USH1C: variants seen among roughly 807,000 people sequenced by gnomAD.
USH1C encodes the protein USH1 protein network component harmonin.
A neutral mutation model predicts 119.3 loss-of-function variants in USH1C; 90 were observed. The ratio of observed to expected loss-of-function variants is 0.75; its 90% CI spans 0.64 to 0.90. The LOEUF (loss-of-function observed/expected upper bound fraction) is 0.90. USH1C is among the 40% of genes least tolerant of loss of function. USH1C has a pLI of 0.00. For missense variants in USH1C, 1,165 were observed against 1,167.7 expected, an observed-to-expected ratio of 1.00 and a Z score of 0.03; for synonymous variants, 465 against 443.3, an observed-to-expected ratio of 1.05 and a Z score of -0.62.
chr11:17,541,137 C>T (rs1011344494), intron 1 of USH1C, among the ~76,000 whole-genome samples: 3 of 152,210 alleles, frequency 2.0e-5, no homozygotes, highest in Non-Finnish European at 4.4e-5. Flanking sequence ...GCTCAGATGT[C>T]ACCTCTTCAG....
chr11:17,531,361 T>C lies in USH1C; in HGVS notation c.248+38A>G, dbSNP rs1438398612. ...GCACTGCCCCGCCCAGGGTGATCTC[T>C]CCACCCCCTGCCTCCAGCCTGGTGG... On this transcript the variant is annotated intron_variant, in intron 3 of 26. Transcript: ENST00000005226. The surrounding 1 kb of genome is among the most constrained non-coding windows in gnomAD (Gnocchi z 4.2). 8 of 1,613,774 alleles carry C rather than the reference T, an allele frequency of 5.0e-6. No individual in the cohort carries two copies. The East Asian group carries it at 1.8e-4, about 36-fold the overall frequency.
Position 17,524,651 on chromosome 11 carries a change from T to A in USH1C, c.675-116A>T. 2.7e-6 allele frequency: 3 copies of A among 1,121,704 alleles called. No homozygotes were observed. The South Asian group carries it at 4.0e-5, about 15-fold the overall frequency. 69.5% of individuals were successfully genotyped at this position (1,121,704 alleles called of 1,614,324 possible). On this transcript the variant is annotated intron_variant, in intron 8 of 26. Coordinates refer to ENST00000005226, the MANE Select transcript of USH1C (RefSeq NM_153676.4). ...CCCTTGACTGCCTACCTCTTCAGCC[T>A]CTGTGTCCCTCTCCAGCCTGATTTC...
At chr11:17,498,342 G>T in intron 23 of USH1C, 71 bp from the exon 24 acceptor site, 1 of 1,405,440 alleles carries the variant, frequency 7.1e-7, no homozygotes, top group South Asian at 1.2e-5. Flanking sequence ...GCTTGGCAAA[G>T]GGGGGTCATT....
intron 19 of USH1C, among the ~76,000 whole-genome samples, chr11:17,505,603 G>C (rs1432499666): frequency 6.6e-6 from 1 of 152,226 alleles, no homozygotes; most frequent in African/African-American, 2.4e-5. Flanking sequence ...TTTAGACAGA[G>C]CTCCAGGCTG....
intron 12 of USH1C, 132 bp downstream of exon 12, chr11:17,522,652 T>G (rs1329903732): frequency 7.3e-7 from 1 of 1,374,618 alleles, no homozygotes. Context: ...ACCAAACTCA[T>G]CTGGTCTGAG....
chr11:17,523,507 T>G (rs1243834938), intron 9 of USH1C, 29 bp from the exon 10 acceptor site: 3 of 1,612,284 alleles, frequency 1.9e-6, no homozygotes, highest in Non-Finnish European at 2.5e-6. Flanking sequence ...AAGATTAGTG[T>G]GTTTGCGCTA....
At chr11:17,542,955 G>C (rs1851529977) in intron 1 of USH1C, among the ~76,000 whole-genome samples, 1 of 152,184 alleles carries the variant, frequency 6.6e-6, no homozygotes, top group South Asian at 2.1e-4. Flanking sequence ...CCAAGACCTT[G>C]TTTTCAGGAG....
chr11:17,533,237 T>C lies in USH1C; in HGVS notation c.104+18A>G, dbSNP rs369464713. On this transcript the variant is annotated intron_variant, in intron 2 of 26. Coordinates refer to ENST00000005226, the MANE Select transcript of USH1C (RefSeq NM_153676.4). The stretch of plus-strand genomic sequence containing the variant: ...AGGAACCCAAGTGGCCCACAAGAGC[T>C]GGACCCAGCACACTTACTGGTGGTA... 1 of 1,610,274 alleles carries C rather than the reference T, an allele frequency of 6.2e-7. No individual in the cohort carries two copies. The highest frequency in any genetic ancestry group is 1.1e-5 in the South Asian group (1 of 91,012).
In USH1C at chr11:17,494,155, C is replaced by A. The variant is rs1308931977; in HGVS notation, c.*177G>T. 5.3e-6 allele frequency: 4 copies of A among 752,094 alleles called. No individual in the cohort carries two copies. Among genetic ancestry groups the A allele is most frequent in the Non-Finnish European group, 9.0e-6 (4 of 442,298 alleles). 46.6% of individuals were successfully genotyped at this position (752,094 alleles called of 1,614,324 possible). ...GCTCCCTTTCCTCCACGTTGGCCTT[C>A]AGAAGAGTGGCCCGAGCTGTTCCTT... On this transcript the variant is annotated 3_prime_UTR_variant, in exon 27 of 27. Coordinates refer to ENST00000005226, the MANE Select transcript of USH1C (RefSeq NM_153676.4).
intron 1 of USH1C, among the ~76,000 whole-genome samples, chr11:17,540,504 A>G (rs1188073429): frequency 2.0e-5 from 3 of 152,148 alleles, no homozygotes; most frequent in Non-Finnish European, 4.4e-5. Context: ...CACACCCCCA[A>G]GGACCTACCG....
At chr11:17,524,262 G>A (rs1850556794) in intron 9 of USH1C, among the ~76,000 whole-genome samples, 189 bp downstream of exon 9, 1 of 152,140 alleles carries the variant, frequency 6.6e-6, no homozygotes, top group African/African-American at 2.4e-5. Context: ...TCAGAGCTGG[G>A]GAAGGCTGCA....
Position 17,509,779 on chromosome 11 carries a change from T to C in USH1C, c.1590A>G (p.Arg530=). The C allele has an allele frequency of 6.3e-7, 1 of 1,598,120 alleles. No homozygotes were observed. The change falls in exon 18 of 27, where the codon AGA becomes AGG. Residue 530 remains arginine (R), a synonymous_variant. Transcript: ENST00000005226. ...PSVSPLAPPL[R]RFAGGLHLHT... is the part of the protein sequence containing the mutation. ...GCAGGTGCAGTCCGCCTGCGAAGCG[T>C]CTCAAGGGTGGGGCCAGGGGAGACA... is the stretch of plus-strand genomic sequence containing the variant.
intron 12 of USH1C, 141 bp from the exon 13 acceptor site, chr11:17,521,552 G>C (rs969662966): frequency 8.5e-6 from 7 of 824,316 alleles, no homozygotes; most frequent in African/African-American, 6.7e-5. Context: ...CTTTGGTTTT[G>C]GGGGACGTTA....
At chr11:17,521,448 T>C (rs952632166) in intron 12 of USH1C, 37 bp from the exon 13 acceptor site, 13 of 1,603,964 alleles carry the variant, frequency 8.1e-6, no homozygotes, top group South Asian at 1.1e-5. Context: ...TTTGGCCCTA[T>C]GCAAGAGAAA....
chr11:17,521,376 T>C lies in USH1C; in HGVS notation c.1055A>G (p.Glu352Gly). 6.2e-7 allele frequency: 1 copy of C among 1,614,180 alleles called. No homozygotes were observed. The highest frequency in any genetic ancestry group is 1.1e-5 in the South Asian group (1 of 91,074). ...RKEIAQKAAE[E>G]NERYRKEMEQ... ...CATCTCCTTCCGGTATCTCTCATTT[T>C]CCTCTGCTGCCTTCTGGGCAATTTC... Residue 352 changes from glutamate (E) to glycine (G), a missense_variant, in exon 13 of 27, where the codon GAA becomes GGA. Physicochemically the swap from Glu to Gly is moderately conservative, Grantham distance 98. Transcript: ENST00000005226.
chr11:17,498,090 G>T, intron 24 of USH1C, 72 bp downstream of exon 24: 1 of 1,406,978 alleles, frequency 7.1e-7, no homozygotes, highest in Non-Finnish European at 1.0e-6. Flanking sequence ...CCTATTGTGA[G>T]ACCTGGCTGC....
At position 17,531,364 on chromosome 11, in the gene USH1C, A is replaced by C. The variant is rs1592023229; in HGVS notation, c.248+35T>G. On this transcript the variant is annotated intron_variant, in intron 3 of 26. Transcript: ENST00000005226. The surrounding 1 kb of genome is among the most constrained non-coding windows in gnomAD (Gnocchi z 4.2). ...CTGCCCCGCCCAGGGTGATCTCTCCACCCCCTGCCTCCAGCCTGGTGGCTT... is the reference window on the plus strand; with the variant it reads ...CTGCCCCGCCCAGGGTGATCTCTCCCCCCCCTGCCTCCAGCCTGGTGGCTT... 1 of 1,613,246 alleles carries C rather than the reference A, an allele frequency of 6.2e-7. No individual in the cohort carries two copies. Among genetic ancestry groups the C allele is most frequent in the Non-Finnish European group, 8.5e-7 (1 of 1,179,666 alleles).
chr11:17,531,010 C>T lies in USH1C; in HGVS notation c.387+144G>A. 4 of 1,276,874 alleles carry T rather than the reference C, an allele frequency of 3.1e-6. No individual in the cohort carries two copies. Among genetic ancestry groups the T allele is most frequent in the Non-Finnish European group, 4.4e-6 (4 of 913,856 alleles). The allele number at this position is 1,276,874 out of a possible 1,614,324, so 79.1% of individuals were successfully genotyped here. ...TGATTTCTATGAGCCTAAGAACACCCATCAGGATGCGCCAGCCTCTTCTTC... is the reference window on the plus strand; with the variant it reads ...TGATTTCTATGAGCCTAAGAACACCTATCAGGATGCGCCAGCCTCTTCTTC... On this transcript the variant is annotated intron_variant, in intron 4 of 26. Transcript: ENST00000005226. This position sits in a 1 kb window ranked among gnomAD's most constrained non-coding sequence, Gnocchi z 4.2.
chr11:17,522,747 G>T, intron 12 of USH1C, 37 bp downstream of exon 12: 1 of 1,613,282 alleles, frequency 6.2e-7, no homozygotes, highest in Non-Finnish European at 8.5e-7. Context: ...GGTGGGGTGG[G>T]AGGCGGGACA....
Sources: gnomAD v4.1 joint callset for allele counts (sites outside exome capture counted in the v4.1 genomes callset) on GRCh38, gnomAD v4.1.1 for gene constraint, Gnocchi (gnomAD v3.1) non-coding constraint, MANE v1.5 for transcripts, NCBI Gene and HGNC (gene_info 2026-07-23, HGNC 2026-07-21) for gene names.